The following PDE8A variants were observed in gnomAD, a reference collection of about 807,000 sequenced individuals.
The protein encoded by PDE8A is phosphodiesterase 8A, also known as high affinity cAMP-specific and IBMX-insensitive 3',5'-cyclic phosphodiesterase 8A.
A neutral mutation model predicts 105.0 loss-of-function variants in PDE8A; 59 were observed. The observed-to-expected ratio is 0.56, with a 90% CI of 0.46 to 0.70. The LOEUF (loss-of-function observed/expected upper bound fraction) is 0.70. Among genes scored for constraint, PDE8A ranks in the 30% least tolerant of loss-of-function variants. The pLI is 0.00. For missense variants in PDE8A, 1,014 were observed against 1,045.9 expected (o/e 0.97, Z 0.42); for synonymous variants, 355 against 371.9 (o/e 0.95, Z 0.52).
chr15:85,083,860 G>A lies in PDE8A; in HGVS notation c.635+216G>A, dbSNP rs185310579. Among the ~76,000 whole-genome samples, 3 of 152,232 alleles carry A rather than the reference G, an allele frequency of 2.0e-5. No individual in the cohort carries two copies. The East Asian group carries it at 5.8e-4, about 29-fold the overall frequency. ...TTAGAGACTCACATTTAAAGATGGAGCCCCCAAATAATAGTAAGTTTAAAA... is the reference window on the plus strand; with the variant it reads ...TTAGAGACTCACATTTAAAGATGGAACCCCCAAATAATAGTAAGTTTAAAA... On this transcript the variant is annotated intron_variant, in intron 6 of 21. Coordinates refer to ENST00000394553, the MANE Select transcript of PDE8A (RefSeq NM_002605.3).
chr15:85,004,499 T>C (rs1567224002), intron 1 of PDE8A, among the ~76,000 whole-genome samples: 1 of 152,176 alleles, frequency 6.6e-6, no homozygotes. Flanking sequence ...TGCAAACCCG[T>C]ATTGTGAAGT....
At chr15:85,118,353 C>G (rs72759083) in intron 17 of PDE8A, among the ~76,000 whole-genome samples, 4 of 152,096 alleles carry the variant, frequency 2.6e-5, no homozygotes, top group East Asian at 1.9e-4. Flanking sequence ...CTCAACCCCC[C>G]ACATCTGGTT....
intron 1 of PDE8A, among the ~76,000 whole-genome samples, chr15:85,023,142 C>T (rs992313109): frequency 2.6e-5 from 4 of 152,160 alleles, no homozygotes; most frequent in African/African-American, 4.8e-5. Flanking sequence ...TCCCTAATTG[C>T]CTCATTTTGC....
chr15:85,013,943 C>A (rs925689751), intron 1 of PDE8A, among the ~76,000 whole-genome samples: 52 of 152,246 alleles, frequency 3.4e-4, no homozygotes, highest in Non-Finnish European at 5.6e-4. Context: ...CTCAGGTACC[C>A]GCTGGCTTCC....
chr15:85,132,693 G>A (rs2082346131), intron 20 of PDE8A, among the ~76,000 whole-genome samples: 1 of 152,134 alleles, frequency 6.6e-6, no homozygotes, highest in Non-Finnish European at 1.5e-5. Flanking sequence ...TTGACCTCAG[G>A]TGATCCACCC....
chr15:84,989,413 A>G (rs2079851917), intron 1 of PDE8A, among the ~76,000 whole-genome samples: 1 of 152,204 alleles, frequency 6.6e-6, no homozygotes, highest in African/African-American at 2.4e-5. Flanking sequence ...GGAGTACAGG[A>G]GCTGCTTCAC....
intron 1 of PDE8A, among the ~76,000 whole-genome samples, chr15:85,012,467 A>G (rs1269920412): frequency 2.1e-5 from 3 of 144,580 alleles, no homozygotes; most frequent in Non-Finnish European, 3.0e-5. Context: ...CAAACACCGC[A>G]TGTTCTCACT....
intron 20 of PDE8A, among the ~76,000 whole-genome samples, chr15:85,130,697 C>G (rs568469999): frequency 2.0e-5 from 3 of 152,162 alleles, no homozygotes; most frequent in Non-Finnish European, 4.4e-5. Flanking sequence ...TCCTTCAGTT[C>G]TATAAATGTT....
In PDE8A at chr15:85,025,138, C is replaced by T. The variant is rs184159759; in HGVS notation, c.187-39232C>T. Among the ~76,000 whole-genome samples the T allele has an allele frequency of 1.3e-3, 201 of 152,266 alleles. 1 individual carries two copies. Among genetic ancestry groups the T allele is most frequent in the Admixed American group, 3.4e-3 (52 of 15,298 alleles). On this transcript the variant is annotated intron_variant, in intron 1 of 21. Coordinates refer to ENST00000394553, the MANE Select transcript of PDE8A (RefSeq NM_002605.3). Reference sequence around the variant, plus strand: ...TCACCAAGAATGTAATATAACTATGCTCTTCACATCCTAAGGCCACCATAA... The same window carrying T: ...TCACCAAGAATGTAATATAACTATGTTCTTCACATCCTAAGGCCACCATAA...
At chr15:85,057,481 G>A (rs960334100) in intron 1 of PDE8A, among the ~76,000 whole-genome samples, 1 of 152,152 alleles carries the variant, frequency 6.6e-6, no homozygotes, top group East Asian at 1.9e-4. Flanking sequence ...GACCCCTTGT[G>A]CTTCCCGGGT....
chr15:84,997,658 T>A (rs2080001676), intron 1 of PDE8A, among the ~76,000 whole-genome samples: 1 of 152,188 alleles, frequency 6.6e-6, no homozygotes, highest in Non-Finnish European at 1.5e-5. Flanking sequence ...AATGGTGCGA[T>A]CTTGGCTCAC....
Position 84,991,120 on chromosome 15 carries a change from CA to C in PDE8A, c.186+8774del, listed in dbSNP as rs768185394. On this transcript the variant is annotated intron_variant, in intron 1 of 21. Coordinates refer to ENST00000394553, the MANE Select transcript of PDE8A (RefSeq NM_002605.3). ...TCTGGGTAGGGAAGGACTGATTAAG[CA>C]AGTTACACAAGGCATTTACATAAAG... Among the ~76,000 whole-genome samples the C allele has an allele frequency of 4.6e-5, 7 of 152,050 alleles. No homozygotes were observed. In the East Asian group the frequency reaches 9.6e-4, roughly 21 times the overall value.
At chr15:85,084,933 C>T (rs1351361938) in intron 6 of PDE8A, among the ~76,000 whole-genome samples, 1 of 152,110 alleles carries the variant, frequency 6.6e-6, no homozygotes, top group Non-Finnish European at 1.5e-5. Context: ...GGAATCTGTC[C>T]ACTTAATCTT....
chr15:85,102,854 AAG>A (rs2081888238), intron 11 of PDE8A, among the ~76,000 whole-genome samples: 2 of 151,492 alleles, frequency 1.3e-5, no homozygotes, highest in Admixed American at 1.3e-4. Flanking sequence ...AAAAAAAAAA[AAG>A]AATACCACTG....
intron 1 of PDE8A, among the ~76,000 whole-genome samples, chr15:85,055,672 C>T (rs1489993316): frequency 6.6e-6 from 1 of 152,174 alleles, no homozygotes; most frequent in Non-Finnish European, 1.5e-5. Context: ...GGTAGATCTT[C>T]CTCCATCCCT....
Position 85,113,973 on chromosome 15 carries a change from C to A in PDE8A, c.1286C>A (p.Ser429Ter). 6.2e-7 allele frequency: 1 copy of A among 1,613,378 alleles called. No homozygotes were observed. Among genetic ancestry groups the A allele is most frequent in the Non-Finnish European group, 8.5e-7 (1 of 1,179,272 alleles). ...LEILRTTELY[S>*]PQFGAKDDDP... ...ATTCTAAGAACCACTGAGTTATATT[C>A]ACCACAGTTTGGTGCTAAAGATGAT... The change falls in exon 14 of 22, where the codon TCA (serine) becomes TAA (stop). Residue 429 changes from serine to a stop codon, truncating the protein, a stop_gained. Transcript: ENST00000394553. LOFTEE classifies it high-confidence loss of function.
At chr15:85,046,065 CTTTT>C (rs34486009) in intron 1 of PDE8A, among the ~76,000 whole-genome samples, 3 of 124,436 alleles carry the variant, frequency 2.4e-5, no homozygotes, top group Non-Finnish European at 5.0e-5. Context: ...CTTTCTGTTT[CTTTT>C]TTTTTTTTTT....
At chr15:85,087,227 G>A (rs147297324) in intron 6 of PDE8A, among the ~76,000 whole-genome samples, 130 of 152,014 alleles carry the variant, frequency 8.6e-4, no homozygotes, top group Non-Finnish European at 1.5e-3. Context: ...TTTAGAGACA[G>A]GGTCTCACTC....
intron 1 of PDE8A, among the ~76,000 whole-genome samples, chr15:85,060,053 T>C (rs773119116): frequency 2.2e-4 from 34 of 152,326 alleles, no homozygotes; most frequent in Middle Eastern, 6.8e-3. Flanking sequence ...TTAACTTCTG[T>C]CATTTTGCTA....
Sources: gnomAD v4.1 joint callset for allele counts (sites outside exome capture counted in the v4.1 genomes callset) on GRCh38, gnomAD v4.1.1 for gene constraint, MANE v1.5 for transcripts, NCBI Gene and HGNC (gene_info 2026-07-23, HGNC 2026-07-21) for gene names.